The following CSRP1 variants were observed in gnomAD, a reference collection of about 807,000 sequenced individuals.
CSRP1 encodes cysteine and glycine rich protein 1, also known as cysteine and glycine-rich protein 1.
Under a neutral mutation model 25.4 loss-of-function variants are expected in CSRP1, and 16 were observed. That is an observed-to-expected ratio of 0.63 (90% CI 0.43 to 0.96). The LOEUF is 0.96. Among genes scored for constraint, CSRP1 ranks in the 40% least tolerant of loss-of-function variants. The probability of loss-of-function intolerance (pLI) is 0.00; values close to 1 mark genes in which losing one functional copy is unlikely to be tolerated. For synonymous variants in CSRP1, 97 were observed against 95.3 expected (o/e 1.02, Z -0.10); for missense variants, 212 against 243.6 (o/e 0.87, Z 0.86).
rs1664296592 is a variant in CSRP1 at position 201,490,296 on chromosome 1, T to TG, written c.160_161insC (p.Glu54AlafsTer30). ...GTAGCAGGACTTGCAGTAAATCTCC[T>TG]CACCATGCACGGCCACAGTGGTACT... On this transcript the variant is annotated frameshift_variant, in exon 3 of 6. Coordinates refer to ENST00000340006, the MANE Select transcript of CSRP1 (RefSeq NM_004078.3). LOFTEE classifies it high-confidence loss of function. 1 of 1,614,166 alleles carries TG rather than the reference T, an allele frequency of 6.2e-7. No homozygotes were observed. The highest frequency in any genetic ancestry group is 1.7e-5 in the Admixed American group (1 of 60,026).
rs766655836 is a variant in CSRP1, at chr1:201,488,885, A to G, written c.381T>C (p.Tyr127=). The G allele has an allele frequency of 1.2e-6, 2 of 1,614,016 alleles. No individual in the cohort carries two copies. The highest frequency in any genetic ancestry group is 1.7e-6 in the Non-Finnish European group (2 of 1,180,020). ...ERCPRCSQAV[Y]AAEKVIGAGK... is the part of the protein sequence containing the mutation. ...CAGCACCAATCACCTTCTCCGCAGC[A>G]TAGACTGCCTGGCTGCATCGGGGGC... The change falls in exon 4 of 6, where the codon TAT becomes TAC. Residue 127 remains tyrosine, a synonymous_variant. Coordinates refer to ENST00000340006, the MANE Select transcript of CSRP1 (RefSeq NM_004078.3).
intron 2 of CSRP1, among the ~76,000 whole-genome samples, chr1:201,493,153 T>A (rs1463799723): frequency 6.6e-6 from 1 of 152,188 alleles, no homozygotes; most frequent in East Asian, 1.9e-4. Flanking sequence ...CACCTGCTCA[T>A]AGGATCTGGC....
At chr1:201,485,178 G>C (rs959949039) in intron 5 of CSRP1, 105 bp downstream of exon 5, 1 of 967,334 alleles carries the variant, frequency 1.0e-6, no homozygotes. Context: ...TTCAGATCTT[G>C]GATCCCAAGG....
chr1:201,504,233 T>C (rs1571790914), intron 1 of CSRP1, among the ~76,000 whole-genome samples: 1 of 152,202 alleles, frequency 6.6e-6, no homozygotes, highest in Non-Finnish European at 1.5e-5. Flanking sequence ...CCTGAGCAAG[T>C]TTCTTACTAC....
chr1:201,504,369 T>A (rs1379816505), intron 1 of CSRP1, among the ~76,000 whole-genome samples: 3 of 152,228 alleles, frequency 2.0e-5, no homozygotes, highest in Non-Finnish European at 4.4e-5. Flanking sequence ...AGATATCTGG[T>A]TATCCTTATC....
Position 201,490,320 on chromosome 1 carries a change from C to A in CSRP1, c.137G>T (p.Ser46Ile), listed in dbSNP as rs905509320. The A allele has an allele frequency of 5.6e-6, 9 of 1,614,198 alleles. No individual in the cohort carries two copies. The highest frequency in any genetic ancestry group is 7.6e-6 in the Non-Finnish European group (9 of 1,180,034). ...CTCACCATGCACGGCCACAGTGGTACTGTCCAGATTCTTCTTGCAGACCAC... is the reference window on the plus strand; with the variant it reads ...CTCACCATGCACGGCCACAGTGGTAATGTCCAGATTCTTCTTGCAGACCAC... ...LCMVCKKNLDSTTVAVHGEEI... is the reference protein window; with the variant it reads ...LCMVCKKNLDITTVAVHGEEI... Residue 46 changes from serine to isoleucine, a missense_variant, in exon 3 of 6, where the codon AGT becomes ATT. By Grantham distance (142) the Ser-to-Ile change is moderately radical. Coordinates refer to ENST00000340006, the MANE Select transcript of CSRP1 (RefSeq NM_004078.3).
At chr1:201,486,223 C>A (rs980465735) in intron 4 of CSRP1, 12 of 400,476 alleles carry the variant, frequency 3.0e-5, no homozygotes, top group Admixed American at 6.4e-5. Context: ...AACAGCTGTC[C>A]CAGAAAAAAA....
chr1:201,485,234 C>T, intron 5 of CSRP1, 49 bp downstream of exon 5: 1 of 1,553,756 alleles, frequency 6.4e-7, no homozygotes, highest in Non-Finnish European at 8.9e-7. Context: ...ACTTAGCCCC[C>T]CTACCCCCTT....
chr1:201,488,587 A>G (rs1557971596), intron 4 of CSRP1: 5 of 284,734 alleles, frequency 1.8e-5, no homozygotes, highest in Non-Finnish European at 2.0e-5. Context: ...CTGTTCTCCT[A>G]TATTAGAGAT....
rs1664848951 is a variant in CSRP1 at position 201,507,108 on chromosome 1, C to G, written c.-40G>C. 1 of 152,206 alleles carries G rather than the reference C, an allele frequency of 6.6e-6. No homozygotes were observed. Among genetic ancestry groups the G allele is most frequent in the Non-Finnish European group, 1.5e-5 (1 of 68,068 alleles). The allele number at this position is 152,206 out of a possible 1,614,324, so 9.4% of individuals were successfully genotyped here. A position where few individuals can be genotyped will look rare whatever the true frequency, so the allele number is the denominator to read the frequency against. On this transcript the variant is annotated 5_prime_UTR_variant, in exon 1 of 6. Coordinates refer to ENST00000340006, the MANE Select transcript of CSRP1 (RefSeq NM_004078.3). Reference sequence around the variant, plus strand: ...CGGCGGCGCAGGGGCGGCAGGCGCTCTCGGAAGTGGCGGCTGGGTGCGCCC... The same window carrying G: ...CGGCGGCGCAGGGGCGGCAGGCGCTGTCGGAAGTGGCGGCTGGGTGCGCCC...
chr1:201,483,937 T>C lies in CSRP1; in HGVS notation c.*776A>G. 1 of 674,018 alleles carries C rather than the reference T, an allele frequency of 1.5e-6. No homozygotes were observed. 41.8% of individuals were successfully genotyped at this position (674,018 alleles called of 1,614,324 possible). A position where few individuals can be genotyped will look rare whatever the true frequency, so the allele number is the denominator to read the frequency against. On this transcript the variant is annotated 3_prime_UTR_variant, in exon 6 of 6. Transcript: ENST00000340006. Reference sequence around the variant, plus strand: ...CAGGAGCCAGGGTTAAGGCCAGAGATAAATGAAGATTTGAGCCATTGATAA... The same window carrying C: ...CAGGAGCCAGGGTTAAGGCCAGAGACAAATGAAGATTTGAGCCATTGATAA...
intron 4 of CSRP1, chr1:201,487,873 G>C (rs1357963054): frequency 6.6e-6 from 1 of 152,210 alleles, no homozygotes; most frequent in Non-Finnish European, 1.5e-5. Flanking sequence ...ATGACTGTGA[G>C]AGTAGAGATT....
intron 1 of CSRP1, among the ~76,000 whole-genome samples, chr1:201,497,179 C>T (rs913500042): frequency 1.1e-4 from 16 of 151,740 alleles, no homozygotes; most frequent in African/African-American, 3.9e-4. Flanking sequence ...GCCAATGTGG[C>T]GAAACACCAT....
intron 1 of CSRP1, among the ~76,000 whole-genome samples, chr1:201,504,818 G>A (rs1357323844): frequency 6.6e-6 from 1 of 151,706 alleles, no homozygotes; most frequent in Non-Finnish European, 1.5e-5. Flanking sequence ...AAAACACCAG[G>A]CCGGGCGCAG....
At chr1:201,496,373 A>G (rs1490866341) in intron 1 of CSRP1, 69 bp from the exon 2 acceptor site, 41 of 1,287,850 alleles carry the variant, frequency 3.2e-5, no homozygotes, top group Non-Finnish European at 4.2e-5. Context: ...TGTCCACGAC[A>G]GAAATGCAAC....
chr1:201,496,546 C>T (rs1359819657), intron 1 of CSRP1: 1 of 544,728 alleles, frequency 1.8e-6, no homozygotes, highest in Non-Finnish European at 3.3e-6. Context: ...GCTGCATTTT[C>T]AGCCCTGTGC....
intron 4 of CSRP1, chr1:201,486,445 A>G: frequency 2.0e-6 from 2 of 985,568 alleles, no homozygotes; most frequent in Non-Finnish European, 2.4e-6. Flanking sequence ...GTGGATGAGA[A>G]AGGAAATTCA....
Position 201,490,276 on chromosome 1 carries a change from A to G in CSRP1, c.181T>C (p.Cys61Arg), listed in dbSNP as rs760622979. ...VHGEEIYCKS[C>R]YGKKYGPKGY... ...TTGGGCCCATACTTCTTGCCGTAGC[A>G]GGACTTGCAGTAAATCTCCTCACCA... Residue 61 changes from cysteine (C) to arginine (R), a missense_variant, in exon 3 of 6, where the codon TGC becomes CGC. Transcript: ENST00000340006. The G allele has an allele frequency of 1.2e-6, 2 of 1,614,188 alleles. No homozygotes were observed. Among genetic ancestry groups the G allele is most frequent in the Admixed American group, 1.7e-5 (1 of 60,030 alleles).
intron 4 of CSRP1, 106 bp downstream of exon 4, chr1:201,488,749 C>T: frequency 1.4e-6 from 2 of 1,389,950 alleles, no homozygotes; most frequent in Non-Finnish European, 2.0e-6. Flanking sequence ...AACCCCAGTG[C>T]TCAGGCTGCC....
Sources: allele counts gnomAD v4.1 joint callset (sites outside exome capture counted in the v4.1 genomes callset), GRCh38; gene constraint gnomAD v4.1.1; transcripts MANE v1.5; gene names NCBI Gene and HGNC (gene_info 2026-07-23, HGNC 2026-07-21).